The following GNPDA1 variants were observed in gnomAD, a reference collection of about 807,000 sequenced individuals.
The protein encoded by GNPDA1 is glucosamine-6-phosphate deaminase 1.
In GNPDA1, 24 loss-of-function variants were observed where a neutral mutation model predicts 28.5. The observed-to-expected ratio is 0.84, with a 90% CI of 0.61 to 1.19. The LOEUF (loss-of-function observed/expected upper bound fraction) is 1.19. Ranked by LOEUF, GNPDA1 falls within the 50% of genes most tolerant of loss-of-function variation. The probability of loss-of-function intolerance (pLI) is 0.00; values close to 1 mark genes in which losing one functional copy is unlikely to be tolerated. For synonymous variants in GNPDA1, 147 were observed against 139.3 expected (o/e 1.06, Z -0.39); for missense variants, 264 against 367.3 (o/e 0.72, Z 2.30).
rs766066425 is a variant in GNPDA1 at position 142,002,035 on chromosome 5, G to A, written c.864C>T (p.Ser288=). ...CACTAGGTCCCAGCACAGGCTAATCGCTGTATGGTTTCTTCGAAGATTGGC... is the reference window on the plus strand; with the variant it reads ...CACTAGGTCCCAGCACAGGCTAATCACTGTATGGTTTCTTCGAAGATTGGC... ...EKSQSSKKPY[S]D Residue 288 remains serine (S), a synonymous_variant, in exon 7 of 7, where the codon AGC becomes AGT. Coordinates refer to ENST00000311337, the MANE Select transcript of GNPDA1 (RefSeq NM_005471.5). 12 of 1,547,234 alleles carry A rather than the reference G, an allele frequency of 7.8e-6. No homozygotes were observed. Among genetic ancestry groups the A allele is most frequent in the South Asian group, 3.3e-5 (3 of 89,690 alleles).
chr5:142,009,213 GA>G (rs905020478), intron 2 of GNPDA1, among the ~76,000 whole-genome samples: 5 of 151,476 alleles, frequency 3.3e-5, no homozygotes, highest in Non-Finnish European at 4.4e-5. Flanking sequence ...AAAAATGAAA[GA>G]AAAAAAACCC....
chr5:142,002,119 A>C lies in GNPDA1; in HGVS notation c.780T>G (p.Leu260=), dbSNP rs768471090. 8 of 1,570,240 alleles carry C rather than the reference A, an allele frequency of 5.1e-6. No homozygotes were observed. The Admixed American group carries it at 1.4e-4, about 27-fold the overall frequency. ...KTVKYFKGLM[L]VHNKLVDPLY... is the part of the protein sequence containing the mutation. ...AGGGGTCCACCAACTTGTTATGAACAAGCATTAAACCTACAAAAAATTAAA... is the reference window on the plus strand; with the variant it reads ...AGGGGTCCACCAACTTGTTATGAACCAGCATTAAACCTACAAAAAATTAAA... The change falls in exon 7 of 7, where the codon CTT becomes CTG. Residue 260 remains leucine (L), a synonymous_variant. Coordinates refer to ENST00000311337, the MANE Select transcript of GNPDA1 (RefSeq NM_005471.5).
chr5:142,011,302 A>G (rs1246635029), intron 2 of GNPDA1, among the ~76,000 whole-genome samples: 4 of 151,976 alleles, frequency 2.6e-5, no homozygotes, highest in Admixed American at 6.6e-5. Flanking sequence ...ACACACATAG[A>G]CACGCTAATG....
intron 1 of GNPDA1, 21 bp from the exon 2 acceptor site, chr5:142,012,062 T>A (rs1275287980): frequency 6.3e-7 from 1 of 1,575,134 alleles, no homozygotes; most frequent in African/African-American, 1.3e-5. Flanking sequence ...GGAGAGGGGA[T>A]GACAGAAAGG....
Position 142,007,781 on chromosome 5 carries a change from TGAAAGA to T in GNPDA1, c.226+12_226+17del. The T allele has an allele frequency of 6.9e-7, 1 of 1,444,094 alleles. No individual in the cohort carries two copies. The highest frequency in any genetic ancestry group is 9.8e-7 in the Non-Finnish European group (1 of 1,025,620). 89.5% of individuals were successfully genotyped at this position (1,444,094 alleles called of 1,614,324 possible). ...CTCTCCTAGAATCAGGAAAGAACCT[TGAAAGA>T]GAAAGACTCACCCACGTACTCATCC... On this transcript the variant is annotated intron_variant, in intron 3 of 6. Coordinates refer to ENST00000311337, the MANE Select transcript of GNPDA1 (RefSeq NM_005471.5).
chr5:142,003,086 AC>A lies in GNPDA1; in HGVS notation c.769+1del, dbSNP rs1458112679. On this transcript the variant is annotated splice_donor_variant, in intron 6 of 6. Transcript: ENST00000311337. LOFTEE classifies it high-confidence loss of function. The surrounding 1 kb of genome is among the most constrained non-coding windows in gnomAD (Gnocchi z 4.0). Reference sequence around the variant, plus strand: ...CTCCTCCTGGACCCACACCTCCCTCACCTTTGAAATACTTGACAGTCTTCAC... The same window carrying A: ...CTCCTCCTGGACCCACACCTCCCTCACTTTGAAATACTTGACAGTCTTCAC... The A allele has an allele frequency of 1.2e-6, 2 of 1,610,912 alleles. No individual in the cohort carries two copies. The highest frequency in any genetic ancestry group is 3.3e-5 in the Admixed American group (2 of 59,868).
chr5:142,005,019 G>A lies in GNPDA1; in HGVS notation c.507C>T (p.Ala169=). ...VKTLAMDTIL[A]NARFFDGELT... The stretch of plus-strand genomic sequence containing the variant: ...GTTCTCCATCGAAGAACCTAGCATT[G>A]GCCAGGATGGTATCCATGGCCAGCG... The change falls in exon 5 of 7, where the codon GCC becomes GCT. Residue 169 remains alanine (A), a synonymous_variant. Transcript: ENST00000311337. The A allele has an allele frequency of 4.3e-6, 7 of 1,613,622 alleles. No individual in the cohort carries two copies. Among genetic ancestry groups the A allele is most frequent in the Non-Finnish European group, 4.2e-6 (5 of 1,179,658 alleles).
In GNPDA1 at chr5:142,001,988, G is replaced by T; in HGVS notation, c.*41C>A. The T allele has an allele frequency of 1.0e-6, 1 of 984,144 alleles. No homozygotes were observed. The highest frequency in any genetic ancestry group is 1.6e-6 in the Non-Finnish European group (1 of 622,164). The allele number at this position is 984,144 out of a possible 1,614,324, so 61.0% of individuals were successfully genotyped here. A position where few individuals can be genotyped will look rare whatever the true frequency, so the allele number is the denominator to read the frequency against. ...CTAAAGACAATTTCCAGAAAGACCT[G>T]CCTTTCCCTATGGGTACTTGACACT... is the stretch of plus-strand genomic sequence containing the variant. On this transcript the variant is annotated 3_prime_UTR_variant, in exon 7 of 7. Transcript: ENST00000311337.
chr5:142,010,444 C>G (rs964438861), intron 2 of GNPDA1, among the ~76,000 whole-genome samples: 1 of 152,278 alleles, frequency 6.6e-6, no homozygotes, highest in African/African-American at 2.4e-5. Flanking sequence ...CAGGCGTGAG[C>G]CACCACACCC....
intron 3 of GNPDA1, 84 bp downstream of exon 3, chr5:142,007,715 G>A (rs189668272): frequency 2.5e-4 from 200 of 788,566 alleles, no homozygotes; most frequent in African/African-American, 8.3e-4. Context: ...CTGGCTCCCC[G>A]ATTCCTCTCC....
intron 2 of GNPDA1, among the ~76,000 whole-genome samples, chr5:142,011,063 C>T (rs1311638418): frequency 3.3e-5 from 5 of 151,940 alleles, no homozygotes; most frequent in Admixed American, 2.0e-4. Flanking sequence ...CCACCTACCT[C>T]AGCCTCCCAA....
In GNPDA1 at chr5:142,004,696, TCAGG is replaced by T. The variant is rs563777544; in HGVS notation, c.594+232_594+235del. ...GCCTGAGGCCAGAGAGCCTGCTGTC[TCAGG>T]CAGTCAGCCAAAGGCACCAAAAACG... On this transcript the variant is annotated intron_variant, in intron 5 of 6. Transcript: ENST00000311337. Among the ~76,000 whole-genome samples the T allele has an allele frequency of 4.6e-5, 7 of 152,346 alleles. No individual in the cohort carries two copies. In the South Asian group the frequency reaches 1.0e-3, roughly 23 times the overall value.
intron 2 of GNPDA1, among the ~76,000 whole-genome samples, chr5:142,008,312 AG>A (rs1755857713): frequency 6.6e-6 from 1 of 151,608 alleles, no homozygotes; most frequent in Non-Finnish European, 1.5e-5. Context: ...ACTCACTAGG[AG>A]TAGAACACAA....
intron 1 of GNPDA1, chr5:142,012,248 G>T (rs1262335644): frequency 1.1e-5 from 5 of 443,434 alleles, no homozygotes; most frequent in Non-Finnish European, 2.0e-5. Context: ...AGGCGCCACT[G>T]GGGGCAGATC....
intron 3 of GNPDA1, among the ~76,000 whole-genome samples, chr5:142,006,705 A>T (rs1192711496): frequency 6.6e-6 from 1 of 151,730 alleles, no homozygotes; most frequent in African/African-American, 2.4e-5. Flanking sequence ...CACACCCCTC[A>T]CCCTGTGCCT....
chr5:142,007,074 T>G (rs1755824535), intron 3 of GNPDA1, among the ~76,000 whole-genome samples: 1 of 152,042 alleles, frequency 6.6e-6, no homozygotes. Context: ...CCGTGGCTGG[T>G]GAAGTGGGAA....
chr5:142,005,902 C>A (rs1755790363), intron 4 of GNPDA1: 1 of 409,266 alleles, frequency 2.4e-6, no homozygotes, highest in African/African-American at 2.0e-5. Context: ...GGGGAGTAGA[C>A]AGAATCTCAG....
At position 142,003,017 on chromosome 5, in the gene GNPDA1, G is replaced by C. The variant is rs1000845197; in HGVS notation, c.769+71C>G. 1 of 1,261,426 alleles carries C rather than the reference G, an allele frequency of 7.9e-7. No individual in the cohort carries two copies. The highest frequency in any genetic ancestry group is 1.1e-6 in the Non-Finnish European group (1 of 897,386). The allele number at this position is 1,261,426 out of a possible 1,614,324, so 78.1% of individuals were successfully genotyped here. ...CAATTAAAATGACCAGAGGATGAAAGCTGGATCTACTCCTTACTCCTAGCA... is the reference window on the plus strand; with the variant it reads ...CAATTAAAATGACCAGAGGATGAAACCTGGATCTACTCCTTACTCCTAGCA... On this transcript the variant is annotated intron_variant, in intron 6 of 6. Coordinates refer to ENST00000311337, the MANE Select transcript of GNPDA1 (RefSeq NM_005471.5). This position sits in a 1 kb window ranked among gnomAD's most constrained non-coding sequence, Gnocchi z 4.0.
At chr5:142,004,743 TCA>T in intron 5 of GNPDA1, 187 bp downstream of exon 5, 1 of 460,080 alleles carries the variant, frequency 2.2e-6, no homozygotes, top group Non-Finnish European at 3.9e-6. Context: ...GGGATTCACC[TCA>T]CACTGGGAAT....
Sources: allele counts gnomAD v4.1 joint callset (sites outside exome capture counted in the v4.1 genomes callset), GRCh38; gene constraint gnomAD v4.1.1; non-coding constraint Gnocchi (gnomAD v3.1); transcripts MANE v1.5; gene names NCBI Gene and HGNC (gene_info 2026-07-23, HGNC 2026-07-21).